The following PDE1A variants were observed in gnomAD, a reference collection of about 807,000 sequenced individuals.
The protein encoded by PDE1A is phosphodiesterase 1A.
Under a neutral mutation model 61.7 loss-of-function variants are expected in PDE1A, and 35 were observed. The ratio of observed to expected loss-of-function variants is 0.57; its 90% CI spans 0.43 to 0.75. PDE1A has a LOEUF of 0.75. Among genes scored for constraint, PDE1A ranks in the 30% least tolerant of loss-of-function variants. The pLI is 0.00. For synonymous variants in PDE1A, 232 were observed against 213.2 expected, an observed-to-expected ratio of 1.09 and a Z score of -0.77; for missense variants, 597 against 630.6, an observed-to-expected ratio of 0.95 and a Z score of 0.57.
the PDE1A span, among the ~76,000 whole-genome samples, chr2:182,688,855 C>CA: frequency 1.3e-4 from 20 of 151,612 alleles, no homozygotes; most frequent in Non-Finnish European, 2.9e-5. Context: ...AAATGGAAAA[C>CA]AAAAAAAGGC....
chr2:182,231,122 T>C, exon 5 of PDE1A: 1 of 1,548,318 alleles, frequency 6.5e-7, no homozygotes, highest in South Asian at 1.1e-5. Flanking sequence ...AAAGACCATT[T>C]ATCAACATCC....
chr2:182,157,014 A>ATTAT (rs1559121578), intron 13 of PDE1A, among the ~76,000 whole-genome samples: 1 of 82,002 alleles, frequency 1.2e-5, no homozygotes, highest in Admixed American at 1.2e-4. Flanking sequence ...ATTTTATTTT[A>ATTAT]TTTTATTTTT....
chr2:182,383,220 T>C (rs1700834686), intron 1 of PDE1A, among the ~76,000 whole-genome samples: 1 of 152,214 alleles, frequency 6.6e-6, no homozygotes, highest in Admixed American at 6.5e-5. Flanking sequence ...CTTCAAGACA[T>C]ATTTAAAGTC....
At chr2:182,271,326 A>T (rs1320635645) in intron 1 of PDE1A, among the ~76,000 whole-genome samples, 4 of 152,062 alleles carry the variant, frequency 2.6e-5, no homozygotes, top group African/African-American at 9.7e-5. Context: ...TATGGCAAAC[A>T]GTATTACTCT....
At chr2:182,525,604 C>T (rs909595156), upstream of PDE1A, among the ~76,000 whole-genome samples, 14 of 152,126 alleles carry the variant, frequency 9.2e-5, no homozygotes, top group South Asian at 2.1e-4. Context: ...CCTTCACCTT[C>T]CGCCAAGATT....
At chr2:182,276,129 C>A (rs1313772925) in intron 1 of PDE1A, among the ~76,000 whole-genome samples, 1 of 151,828 alleles carries the variant, frequency 6.6e-6, no homozygotes, top group East Asian at 1.9e-4. Context: ...TTCCTTTTTC[C>A]ATTCTCTCTC....
chr2:182,603,319 G>T, the PDE1A span, among the ~76,000 whole-genome samples: 1 of 152,128 alleles, frequency 6.6e-6, no homozygotes, highest in Admixed American at 6.5e-5. Flanking sequence ...TAGCACAGAA[G>T]AGGTGAGTTG....
the PDE1A span, among the ~76,000 whole-genome samples, chr2:182,712,772 G>A: frequency 6.6e-6 from 1 of 152,056 alleles, no homozygotes; most frequent in Non-Finnish European, 1.5e-5. Context: ...TAGCCAGGAT[G>A]GTCTCAATCT....
rs534215394 is a variant in PDE1A at position 182,212,570 on chromosome 2, A to G, written c.777-6505T>C. Among the ~76,000 whole-genome samples, 518 of 152,324 alleles carry G rather than the reference A, an allele frequency of 3.4e-3. 2 individuals are homozygous for G. Among genetic ancestry groups the G allele is most frequent in the African/African-American group, 0.012 (502 of 41,574 alleles). ...GTCAGTGGGTGCGCGCACCGTGCGC[A>G]AGCCGAAGCAGGGCGAGGCATTGCC... On this transcript the variant is annotated intron_variant, in intron 7 of 13. Transcript: ENST00000351439.
chr2:182,481,596 T>C (rs1687705612), intron 2 of PDE1A, among the ~76,000 whole-genome samples: 1 of 151,954 alleles, frequency 6.6e-6, no homozygotes, highest in Non-Finnish European at 1.5e-5. Context: ...GAAGTTTCTG[T>C]TCTTGTGGAG....
chr2:182,356,685 G>T (rs1290853843), intron 1 of PDE1A, among the ~76,000 whole-genome samples: 1 of 152,074 alleles, frequency 6.6e-6, no homozygotes, highest in African/African-American at 2.4e-5. Context: ...AGTGAGCCAA[G>T]ATGGCGCCAC....
At chr2:182,649,299 A>G in the PDE1A span, among the ~76,000 whole-genome samples, 36 of 152,334 alleles carry the variant, frequency 2.4e-4, no homozygotes, top group Middle Eastern at 3.4e-3. Context: ...AAATCAGAAT[A>G]GGAAAAGCAA....
At chr2:182,456,265 A>C (rs1012233801) in intron 2 of PDE1A, among the ~76,000 whole-genome samples, 1 of 152,062 alleles carries the variant, frequency 6.6e-6, no homozygotes, top group African/African-American at 2.4e-5. Flanking sequence ...AGCCTACTGA[A>C]GTAGAAACTG....
At chr2:182,370,398 T>C (rs905276565) in intron 1 of PDE1A, among the ~76,000 whole-genome samples, 2 of 152,142 alleles carry the variant, frequency 1.3e-5, no homozygotes, top group African/African-American at 4.8e-5. Flanking sequence ...AGGAAACTTG[T>C]AAAGATTTCA....
At chr2:182,185,007 C>T (rs1215577287) in intron 13 of PDE1A, among the ~76,000 whole-genome samples, 3 of 152,072 alleles carry the variant, frequency 2.0e-5, no homozygotes, top group Non-Finnish European at 4.4e-5. Context: ...TAATTGAAAA[C>T]GTTTCAATAT....
intron 1 of PDE1A, among the ~76,000 whole-genome samples, chr2:182,272,144 G>T (rs562085509): frequency 4.6e-5 from 7 of 152,190 alleles, no homozygotes; most frequent in African/African-American, 1.7e-4. Context: ...GCTAATTGGG[G>T]TTCTACACAT....
At chr2:182,603,578 G>C in the PDE1A span, among the ~76,000 whole-genome samples, 1 of 152,188 alleles carries the variant, frequency 6.6e-6, no homozygotes, top group African/African-American at 2.4e-5. Context: ...TTGAACTCCT[G>C]ACCTCAGGTG....
At chr2:182,456,595 C>T (rs1304651685) in intron 2 of PDE1A, among the ~76,000 whole-genome samples, 1 of 151,978 alleles carries the variant, frequency 6.6e-6, no homozygotes, top group African/African-American at 2.4e-5. Context: ...AACCAATCAC[C>T]GTGAGTACAA....
the PDE1A span, among the ~76,000 whole-genome samples, chr2:182,619,546 T>C: frequency 6.6e-6 from 1 of 152,140 alleles, no homozygotes. Flanking sequence ...ATATTTCTTA[T>C]TCAGAGAGGT....
Sources: allele counts gnomAD v4.1 joint callset (sites outside exome capture counted in the v4.1 genomes callset), GRCh38; gene constraint gnomAD v4.1.1; transcripts MANE v1.5; gene names NCBI Gene and HGNC (gene_info 2026-07-23, HGNC 2026-07-21).